FHOD3: variants seen among roughly 807,000 people sequenced by gnomAD.
FHOD3 encodes the protein formin homology 2 domain containing 3.
FHOD3 carries 90 observed loss-of-function variants against 173.0 expected under a neutral mutation model. The observed-to-expected ratio is 0.52, with a 90% CI of 0.44 to 0.62. The LOEUF is 0.62. Ranked by LOEUF, FHOD3 falls within the 20% of genes least tolerant of loss-of-function variation. The pLI is 0.00. For synonymous variants in FHOD3, 828 were observed against 823.0 expected (o/e 1.01, Z -0.10); for missense variants, 1,945 against 2,034.7 (o/e 0.96, Z 0.85).
At chr18:36,362,842 A>G (rs924934895) in intron 2 of FHOD3, among the ~76,000 whole-genome samples, 2 of 152,234 alleles carry the variant, frequency 1.3e-5, no homozygotes, top group South Asian at 4.1e-4. Flanking sequence ...AAAAAAGTGG[A>G]TATTAAGACA....
rs773631227 is a variant in FHOD3 at position 36,769,408 on chromosome 18, C to G, written c.4768C>G (p.Arg1590Gly). Residue 1590 changes from arginine (R) to glycine (G), a missense_variant, in exon 28 of 29, where the codon CGG (arginine) becomes GGG (glycine). Coordinates refer to ENST00000590592, the MANE Select transcript of FHOD3 (RefSeq NM_001281740.3). Reference sequence around the variant, plus strand: ...GGTGCCGAGGGAGAGGAAACGATCCCGGGCCAACCGGAAATCTTGTGAGTG... The same window carrying G: ...GGTGCCGAGGGAGAGGAAACGATCCGGGGCCAACCGGAAATCTTGTGAGTG... ...RVVPRERKRSRANRKSLRRTL... is the reference protein window; with the variant it reads ...RVVPRERKRSGANRKSLRRTL... The G allele has an allele frequency of 1.2e-6, 2 of 1,614,054 alleles. No homozygotes were observed. The highest frequency in any genetic ancestry group is 2.2e-5 in the South Asian group (2 of 91,072).
At chr18:36,661,967 A>G (rs1293065959) in intron 14 of FHOD3, among the ~76,000 whole-genome samples, 1 of 152,272 alleles carries the variant, frequency 6.6e-6, no homozygotes, top group Non-Finnish European at 1.5e-5. Context: ...TAATGAAAGC[A>G]GACTTTTAAA....
Position 36,693,366 on chromosome 18 carries a change from T to A in FHOD3, c.2179T>A (p.Ser727Thr). Residue 727 changes from serine to threonine, a missense_variant, in exon 17 of 29, where the codon TCT (serine) becomes ACT (threonine). Physicochemically the swap from Ser to Thr is moderately conservative, Grantham distance 58. Around this residue, in one of 5 missense-constraint regions of FHOD3, gnomAD observed 1,099 missense variants for 1,051.2 expected, o/e 1.05. Transcript: ENST00000590592. ...PLSHSPSSSD[S>T]QEALTVSASS... Reference sequence around the variant, plus strand: ...GAGCCATAGCCCCTCATCTTCAGACTCTCAAGAGGCTCTCACGGTGTCTGC... The same window carrying A: ...GAGCCATAGCCCCTCATCTTCAGACACTCAAGAGGCTCTCACGGTGTCTGC... 1 of 1,613,858 alleles carries A rather than the reference T, an allele frequency of 6.2e-7. No homozygotes were observed. The highest frequency in any genetic ancestry group is 8.5e-7 in the Non-Finnish European group (1 of 1,179,854).
intron 10 of FHOD3, among the ~76,000 whole-genome samples, chr18:36,627,115 T>G (rs2034168261): frequency 6.6e-6 from 1 of 152,330 alleles, no homozygotes; most frequent in African/African-American, 2.4e-5. Flanking sequence ...ACCTTTACCA[T>G]GAGCATTGCA....
chr18:36,464,694 C>A (rs2052796564), intron 3 of FHOD3, among the ~76,000 whole-genome samples: 1 of 151,946 alleles, frequency 6.6e-6, no homozygotes, highest in South Asian at 2.1e-4. Context: ...GAGAGGGAGA[C>A]CAGGCTGGGT....
chr18:36,737,970 C>G (rs2041722396), intron 20 of FHOD3, among the ~76,000 whole-genome samples: 1 of 152,176 alleles, frequency 6.6e-6, no homozygotes, highest in Non-Finnish European at 1.5e-5. Flanking sequence ...TCCAACAAAA[C>G]TCTTGTGTTG....
At position 36,763,560 on chromosome 18, in the gene FHOD3, T is replaced by C. The variant is rs1968335; in HGVS notation, c.4624+2778T>C. The stretch of plus-strand genomic sequence containing the variant: ...TATTATACACGTTATATATAATATG[T>C]GTATTATACACGTTATATATAATAT... On this transcript the variant is annotated intron_variant, in intron 27 of 28. Transcript: ENST00000590592. 2.4e-3 allele frequency among the ~76,000 whole-genome samples: 281 copies of C among 117,088 alleles called. 50 individuals carry two copies. The highest frequency in any genetic ancestry group is 5.1e-3 in the Middle Eastern group (1 of 196). 76.8% of individuals were successfully genotyped at this position (117,088 alleles called of 152,430 possible).
rs1374197769 is a variant in FHOD3, at chr18:36,768,001, TAACATTTTTTTCCTCCAAGTTGGG to T, written c.4625-1261_4625-1238del. Among the ~76,000 whole-genome samples, 77 of 152,310 alleles carry T rather than the reference TAACATTTTTTTCCTCCAAGTTGGG, an allele frequency of 5.1e-4. 1 individual carries two copies. Among genetic ancestry groups the T allele is most frequent in the African/African-American group, 1.8e-3 (73 of 41,570 alleles). On this transcript the variant is annotated intron_variant, in intron 27 of 28. Coordinates refer to ENST00000590592, the MANE Select transcript of FHOD3 (RefSeq NM_001281740.3). ...GAACTCAAACATTTTAACTATTTAT[TAACATTTTTTTCCTCCAAGTTGGG>T]AAAGGCTGGCAGTTCCCTTGTGTTG...
At chr18:36,330,040 A>T (rs901687707) in intron 1 of FHOD3, among the ~76,000 whole-genome samples, 1 of 152,182 alleles carries the variant, frequency 6.6e-6, no homozygotes, top group African/African-American at 2.4e-5. Context: ...GAACTGACTG[A>T]CAGCTGTCCC....
At chr18:36,603,330 C>T (rs1279165964) in intron 8 of FHOD3, among the ~76,000 whole-genome samples, 1 of 152,010 alleles carries the variant, frequency 6.6e-6, no homozygotes, top group Non-Finnish European at 1.5e-5. Flanking sequence ...GGAGAAAATC[C>T]TTTATGCGAC....
At chr18:36,418,559 C>A (rs1211010464) in intron 3 of FHOD3, among the ~76,000 whole-genome samples, 1 of 152,102 alleles carries the variant, frequency 6.6e-6, no homozygotes, top group Non-Finnish European at 1.5e-5. Flanking sequence ...CATGGCAAAA[C>A]GTTGACTTTT....
chr18:36,529,875 C>G (rs1012996995), intron 5 of FHOD3, among the ~76,000 whole-genome samples: 2 of 152,042 alleles, frequency 1.3e-5, no homozygotes, highest in African/African-American at 4.8e-5. Flanking sequence ...GAGTAGAATC[C>G]CATCGTTCAG....
At chr18:36,318,301 A>G (rs2044227805) in intron 1 of FHOD3, among the ~76,000 whole-genome samples, 1 of 152,202 alleles carries the variant, frequency 6.6e-6, no homozygotes, top group Non-Finnish European at 1.5e-5. Flanking sequence ...CACTGAATCT[A>G]TAAATTACTT....
At chr18:36,316,694 T>C (rs1357504578) in intron 1 of FHOD3, among the ~76,000 whole-genome samples, 1 of 152,052 alleles carries the variant, frequency 6.6e-6, no homozygotes, top group Non-Finnish European at 1.5e-5. Context: ...GTTCTGCAGC[T>C]CTGTTCCTTT....
chr18:36,361,638 A>G, intron 2 of FHOD3, among the ~76,000 whole-genome samples: 2 of 150,590 alleles, frequency 1.3e-5, no homozygotes, highest in Non-Finnish European at 3.0e-5. Context: ...GTGAGCCTAG[A>G]TCACGCAACT....
intron 25 of FHOD3, among the ~76,000 whole-genome samples, chr18:36,757,700 C>T (rs992723284): frequency 1.3e-5 from 2 of 152,172 alleles, no homozygotes; most frequent in Non-Finnish European, 2.9e-5. Context: ...TCCTGAGTGC[C>T]TATCCCTCTT....
At chr18:36,663,167 T>G (rs12965274) in intron 14 of FHOD3, among the ~76,000 whole-genome samples, 25,470 of 152,226 alleles carry the variant, frequency 0.17, 2,677 homozygotes, top group South Asian at 0.23. Flanking sequence ...AGCTACATTT[T>G]GTCACATTTA....
At chr18:36,482,856 C>CAGAG (rs1198142796) in intron 3 of FHOD3, among the ~76,000 whole-genome samples, 34 of 64,124 alleles carry the variant, frequency 5.3e-4, no homozygotes, top group African/African-American at 1.9e-3. Context: ...CTCACACACA[C>CAGAG]ACAGAGAGAG....
chr18:36,327,987 C>T (rs187409024), intron 1 of FHOD3, among the ~76,000 whole-genome samples: 2 of 152,122 alleles, frequency 1.3e-5, no homozygotes, highest in African/African-American at 4.8e-5. Context: ...CCCTTCAAGC[C>T]CCCCCACAAC....
Sources: gnomAD v4.1 joint callset for allele counts (sites outside exome capture counted in the v4.1 genomes callset) on GRCh38, gnomAD v4.1.1 for gene constraint, gnomAD v4.1.1 regional missense constraint, MANE v1.5 for transcripts, NCBI Gene and HGNC (gene_info 2026-07-23, HGNC 2026-07-21) for gene names.